The following GOLIM4 variants were observed in gnomAD, a reference collection of about 807,000 sequenced individuals.
The protein encoded by GOLIM4 is golgi integral membrane protein 4.
In GOLIM4, 71 loss-of-function variants were observed where a neutral mutation model predicts 107.4. The ratio of observed to expected loss-of-function variants is 0.66; its 90% CI spans 0.55 to 0.81. The LOEUF (loss-of-function observed/expected upper bound fraction) is 0.81, where lower values mean the gene tolerates loss of function less well. Ranked by LOEUF, GOLIM4 falls within the 30% of genes least tolerant of loss-of-function variation. GOLIM4 has a pLI of 0.00. For synonymous variants in GOLIM4, 327 were observed against 294.8 expected (o/e 1.11, Z -1.12); for missense variants, 830 against 826.1 (o/e 1.00, Z -0.06).
At chr3:168,042,535 C>T (rs1336545510) in intron 5 of GOLIM4, among the ~76,000 whole-genome samples, 1 of 152,188 alleles carries the variant, frequency 6.6e-6, no homozygotes, top group Non-Finnish European at 1.5e-5. Context: ...CCCACCTTGG[C>T]CTCCCAAAGT....
intron 11 of GOLIM4, 136 bp from the exon 12 acceptor site, chr3:168,027,973 T>C: frequency 1.5e-6 from 1 of 645,704 alleles, no homozygotes; most frequent in East Asian, 2.6e-5. Flanking sequence ...ATAAGGCCTA[T>C]GTCCTGGCTT....
chr3:168,060,765 A>G (rs1720223835), intron 1 of GOLIM4, among the ~76,000 whole-genome samples: 1 of 152,208 alleles, frequency 6.6e-6, no homozygotes. Context: ...TTTACTGGCA[A>G]TCTGAAAGTT....
chr3:168,081,454 T>C (rs918598905), intron 1 of GOLIM4, among the ~76,000 whole-genome samples: 14 of 152,234 alleles, frequency 9.2e-5, no homozygotes, highest in Admixed American at 7.2e-4. Flanking sequence ...TCTTAGCTGT[T>C]TGGCAGAATC....
intron 7 of GOLIM4, among the ~76,000 whole-genome samples, chr3:168,040,099 A>G (rs2108242228): frequency 6.6e-6 from 1 of 152,342 alleles, no homozygotes; most frequent in East Asian, 1.9e-4. Context: ...TTACAACAGC[A>G]ACTAAACTAG....
Position 168,048,309 on chromosome 3 carries a change from G to A in GOLIM4, c.244C>T (p.His82Tyr). 6.6e-7 allele frequency: 1 copy of A among 1,510,470 alleles called. No homozygotes were observed. The highest frequency in any genetic ancestry group is 9.1e-7 in the Non-Finnish European group (1 of 1,095,474). 93.6% of individuals were successfully genotyped at this position (1,510,470 alleles called of 1,614,324 possible). ...EKSLQKERLEHKKAKEDFLVY... is the reference protein window; with the variant it reads ...EKSLQKERLEYKKAKEDFLVY... ...TACTTACCTTCCTTTGCTTTTTTAT[G>A]TTCAAGTCTTTCTTTTTGCAAGGAT... The change falls in exon 2 of 16, where the codon CAT becomes TAT. Residue 82 changes from histidine to tyrosine, a missense_variant. Physicochemically the swap from His to Tyr is moderately conservative, Grantham distance 83. Coordinates refer to ENST00000470487, the MANE Select transcript of GOLIM4 (RefSeq NM_014498.5).
At chr3:168,057,161 A>G (rs1268802366) in intron 1 of GOLIM4, among the ~76,000 whole-genome samples, 1 of 152,200 alleles carries the variant, frequency 6.6e-6, no homozygotes, top group Non-Finnish European at 1.5e-5. Context: ...TCCCTGCACA[A>G]GTTCTCCTGT....
At chr3:168,093,611 C>T (rs78121346) in intron 1 of GOLIM4, among the ~76,000 whole-genome samples, 1 of 152,152 alleles carries the variant, frequency 6.6e-6, no homozygotes, top group East Asian at 1.9e-4. Context: ...GCAACTGATA[C>T]CTTGTAAATA....
chr3:168,085,592 G>T (rs568144020), intron 1 of GOLIM4, among the ~76,000 whole-genome samples: 2 of 152,250 alleles, frequency 1.3e-5, no homozygotes, highest in East Asian at 3.9e-4. Context: ...AAGGCCACGG[G>T]TCCTTAAAAT....
At chr3:168,068,028 A>T (rs182781662) in intron 1 of GOLIM4, among the ~76,000 whole-genome samples, 291 of 152,286 alleles carry the variant, frequency 1.9e-3, no homozygotes, top group Non-Finnish European at 3.3e-3. Context: ...GGAATATACA[A>T]AATAATTTTA....
intron 2 of GOLIM4, among the ~76,000 whole-genome samples, chr3:168,047,942 C>T (rs1054364453): frequency 6.6e-6 from 1 of 151,772 alleles, no homozygotes; most frequent in South Asian, 2.1e-4. Context: ...TACTTCCCCC[C>T]CAACCCCAGC....
At chr3:168,061,297 C>A (rs867101042) in intron 1 of GOLIM4, among the ~76,000 whole-genome samples, 7 of 152,160 alleles carry the variant, frequency 4.6e-5, no homozygotes, top group Middle Eastern at 3.4e-3. Flanking sequence ...ATCAAAACAG[C>A]TAATATAGAA....
At chr3:168,036,521 G>A (rs1385110431) in intron 8 of GOLIM4, among the ~76,000 whole-genome samples, 1 of 152,008 alleles carries the variant, frequency 6.6e-6, no homozygotes, top group Non-Finnish European at 1.5e-5. Context: ...CAGCCTGGAC[G>A]ACGTAGCATG....
rs1210775698 is a variant in GOLIM4 at position 168,010,792 on chromosome 3, CT to C, written c.1891del (p.Arg631GlyfsTer87). On this transcript the variant is annotated frameshift_variant, in exon 15 of 16. Coordinates refer to ENST00000470487, the MANE Select transcript of GOLIM4 (RefSeq NM_014498.5). LOFTEE classifies it low-confidence loss of function (END_TRUNC). The stretch of plus-strand genomic sequence containing the variant: ...CTCTTCAGCATTATGCTCCAGTTCC[CT>C]TTTTTTCTCTTCAGTCAAATCTTCC... Reference protein sequence around the residue: ...VQEDLTEEKKRELEHNAEETY... With the variant: ...VQEDLTEEKKXELEHNAEETY... The C allele has an allele frequency of 1.9e-6, 3 of 1,611,898 alleles. No homozygotes were observed. Among genetic ancestry groups the C allele is most frequent in the Non-Finnish European group, 8.5e-7 (1 of 1,178,570 alleles).
chr3:168,037,337 TA>T (rs1718714905), intron 7 of GOLIM4, among the ~76,000 whole-genome samples: 1 of 152,092 alleles, frequency 6.6e-6, no homozygotes, highest in Admixed American at 6.5e-5. Flanking sequence ...AAAAATCCAT[TA>T]AAAACTCATA....
intron 1 of GOLIM4, among the ~76,000 whole-genome samples, chr3:168,079,626 C>G (rs1472916422): frequency 6.6e-6 from 1 of 152,054 alleles, no homozygotes; most frequent in Non-Finnish European, 1.5e-5. Context: ...TTTGGTTGCG[C>G]TATACACATG....
At chr3:168,011,668 TG>T (rs1242920179) in intron 14 of GOLIM4, among the ~76,000 whole-genome samples, 1 of 149,646 alleles carries the variant, frequency 6.7e-6, no homozygotes, top group Non-Finnish European at 1.5e-5. Flanking sequence ...AAGAGAGCAG[TG>T]GTTCTCCCAG....
At position 168,095,267 on chromosome 3, in the gene GOLIM4, A is replaced by C. The variant is rs767817526; in HGVS notation, c.19T>G (p.Ser7Ala). Residue 7 changes from serine to alanine, a missense_variant, in exon 1 of 16, where the codon TCC becomes GCC. Transcript: ENST00000470487. MGNGMC[S>A]RKQKRIFQTL... ...TGGAAAATCCGCTTCTGCTTTCGGGAGCACATCCCGTTTCCCATAGTCCCG... is the reference window on the plus strand; with the variant it reads ...TGGAAAATCCGCTTCTGCTTTCGGGCGCACATCCCGTTTCCCATAGTCCCG... 1.2e-6 allele frequency: 2 copies of C among 1,612,784 alleles called. No individual in the cohort carries two copies. Among genetic ancestry groups the C allele is most frequent in the Non-Finnish European group, 1.7e-6 (2 of 1,179,922 alleles).
intron 1 of GOLIM4, among the ~76,000 whole-genome samples, chr3:168,053,319 G>A (rs1719756397): frequency 6.6e-6 from 1 of 152,238 alleles, no homozygotes. Context: ...TAAACCAAGA[G>A]AGGGCAATGT....
chr3:168,024,968 T>C lies in GOLIM4; in HGVS notation c.1751A>G (p.Asn584Ser), dbSNP rs139790324. ...CACTTCTGTATTCTCTTGCTTTTGA[T>C]TACTTTGTTTTTGCTCTTCATTTTC... The part of the protein sequence containing the change: ...PDENEEQKQS[N>S]QKQENTEVEE... The change falls in exon 13 of 16, where the codon AAT becomes AGT. Residue 584 changes from asparagine (N) to serine (S), a missense_variant. Transcript: ENST00000470487. 6.8e-6 allele frequency: 11 copies of C among 1,614,034 alleles called. No homozygotes were observed. In the African/African-American group the frequency reaches 9.3e-5, roughly 14 times the overall value.
Sources: allele counts gnomAD v4.1 joint callset (sites outside exome capture counted in the v4.1 genomes callset), GRCh38; gene constraint gnomAD v4.1.1; transcripts MANE v1.5; gene names NCBI Gene and HGNC (gene_info 2026-07-23, HGNC 2026-07-21).